GRIK2: variants seen among roughly 807,000 people sequenced by gnomAD.
The protein encoded by GRIK2 is glutamate ionotropic receptor kainate type subunit 2.
GRIK2 carries 32 observed loss-of-function variants against 100.3 expected under a neutral mutation model. That is an observed-to-expected ratio of 0.32 (90% CI 0.24 to 0.43). The LOEUF (loss-of-function observed/expected upper bound fraction) is 0.43. Ranked by LOEUF, GRIK2 falls within the 20% of genes least tolerant of loss-of-function variation. The pLI is 1.00. For missense variants in GRIK2, 843 were observed against 1,114.9 expected (o/e 0.76, Z 3.47); for synonymous variants, 417 against 389.4 (o/e 1.07, Z -0.83).
intron 14 of GRIK2, among the ~76,000 whole-genome samples, chr6:101,940,775 T>C (rs1437889326): frequency 6.6e-6 from 1 of 152,204 alleles, no homozygotes; most frequent in African/African-American, 2.4e-5. Context: ...ACTAGATTTT[T>C]ATTTTCTTAT....
In GRIK2 at chr6:101,744,541, T is replaced by TATATAC. The variant is rs1554257099; in HGVS notation, c.952-55102_952-55101insCATATA. ...GTGCGCGCATATATATATATATATATATATATATATATATATATCACAATT... is the reference window on the plus strand; with the variant it reads ...GTGCGCGCATATATATATATATATATATATACATATATATATATATATATCACAATT... On this transcript the variant is annotated intron_variant, in intron 7 of 16. Coordinates refer to ENST00000369134, the MANE Select transcript of GRIK2 (RefSeq NM_021956.5). The TATATAC allele has an allele frequency of 7.6e-4, 93 of 123,114 alleles. 4 individuals are homozygous for TATATAC. Among genetic ancestry groups the TATATAC allele is most frequent in the African/African-American group, 3.0e-3 (90 of 30,088 alleles). The allele number at this position is 123,114 out of a possible 1,614,324, so 7.6% of individuals were successfully genotyped here. A position where few individuals can be genotyped will look rare whatever the true frequency, so the allele number is the denominator to read the frequency against.
At chr6:101,428,241 C>T (rs1284295461) in intron 2 of GRIK2, among the ~76,000 whole-genome samples, 2 of 152,164 alleles carry the variant, frequency 1.3e-5, no homozygotes, top group Admixed American at 6.5e-5. Context: ...TTGTTGTCTA[C>T]TCTGTTTGCT....
intron 14 of GRIK2, among the ~76,000 whole-genome samples, chr6:101,991,889 T>C (rs1055168999): frequency 2.6e-5 from 4 of 151,530 alleles, no homozygotes; most frequent in Non-Finnish European, 3.0e-5. Flanking sequence ...AGTTATATCA[T>C]GTATGACAGA....
intron 7 of GRIK2, among the ~76,000 whole-genome samples, chr6:101,728,394 G>C (rs181186088): frequency 6.6e-6 from 1 of 152,164 alleles, no homozygotes; most frequent in Admixed American, 6.6e-5. Flanking sequence ...ATTTCCGTTT[G>C]ATACAAGAGA....
At chr6:101,489,815 T>G (rs751527900) in intron 2 of GRIK2, among the ~76,000 whole-genome samples, 12 of 146,624 alleles carry the variant, frequency 8.2e-5, no homozygotes, top group Non-Finnish European at 1.7e-4. Flanking sequence ...TTTTCTAAGG[T>G]TAGGCAAATA....
At chr6:101,666,431 G>A (rs938490134) in intron 4 of GRIK2, among the ~76,000 whole-genome samples, 4 of 152,156 alleles carry the variant, frequency 2.6e-5, no homozygotes, top group Non-Finnish European at 4.4e-5. Context: ...CCACTTGGCT[G>A]ACCTGTAGTC....
intron 2 of GRIK2, among the ~76,000 whole-genome samples, chr6:101,545,970 C>G (rs752064832): frequency 4.0e-5 from 6 of 151,650 alleles, no homozygotes; most frequent in Non-Finnish European, 8.8e-5. Flanking sequence ...TGAGCTGATC[C>G]CTCTAGCTTT....
At chr6:101,734,502 A>G (rs1775499409) in intron 7 of GRIK2, among the ~76,000 whole-genome samples, 1 of 152,222 alleles carries the variant, frequency 6.6e-6, no homozygotes, top group Admixed American at 6.5e-5. Context: ...TACTCAGTCC[A>G]CTAATTCAAG....
intron 2 of GRIK2, among the ~76,000 whole-genome samples, chr6:101,576,686 C>T (rs930676309): frequency 2.6e-5 from 4 of 152,122 alleles, no homozygotes; most frequent in African/African-American, 4.8e-5. Context: ...CTACCAGAAT[C>T]AAACATATTT....
chr6:102,055,312 T>C lies in GRIK2; in HGVS notation c.2312-18T>C. On this transcript the variant is annotated intron_variant, in intron 15 of 16. Coordinates refer to ENST00000369134, the MANE Select transcript of GRIK2 (RefSeq NM_021956.5). ...TTCAGGTTCCTTGAAATACTTAACA[T>C]AACCTCTCCTTTCTTAGGTTCTCCA... 1 of 1,591,610 alleles carries C rather than the reference T, an allele frequency of 6.3e-7. No homozygotes were observed. The highest frequency in any genetic ancestry group is 8.6e-7 in the Non-Finnish European group (1 of 1,162,182).
At position 101,790,441 on chromosome 6, in the gene GRIK2, T is replaced by C. The variant is rs763612050; in HGVS notation, c.952-9207T>C. Among the ~76,000 whole-genome samples, 447 of 151,904 alleles carry C rather than the reference T, an allele frequency of 2.9e-3. 2 individuals are homozygous for C. The highest frequency in any genetic ancestry group is 3.6e-3 in the Non-Finnish European group (243 of 67,958). The stretch of plus-strand genomic sequence containing the variant: ...AGGGTTGTTGAATTTTGTCAAAGGC[T>C]TTTTCTGCATCTATTGAGATAATCA... On this transcript the variant is annotated intron_variant, in intron 7 of 16. Coordinates refer to ENST00000369134, the MANE Select transcript of GRIK2 (RefSeq NM_021956.5).
At chr6:101,549,216 G>T (rs1223569430) in intron 2 of GRIK2, among the ~76,000 whole-genome samples, 1 of 150,124 alleles carries the variant, frequency 6.7e-6, no homozygotes, top group East Asian at 2.0e-4. Context: ...TTTCTGTGTG[G>T]GATATCACAT....
At chr6:101,720,255 C>A (rs1411462947) in intron 7 of GRIK2, among the ~76,000 whole-genome samples, 2 of 151,908 alleles carry the variant, frequency 1.3e-5, no homozygotes, top group African/African-American at 4.8e-5. Flanking sequence ...ATGTGTTTGT[C>A]CGTTCAAACT....
intron 15 of GRIK2, among the ~76,000 whole-genome samples, chr6:102,036,637 T>A (rs1770289435): frequency 6.6e-6 from 1 of 151,186 alleles, no homozygotes; most frequent in Non-Finnish European, 1.5e-5. Flanking sequence ...TAGATATTAT[T>A]TTTTGGTATT....
chr6:101,978,237 G>A (rs926518360), intron 14 of GRIK2, among the ~76,000 whole-genome samples: 2 of 151,918 alleles, frequency 1.3e-5, no homozygotes, highest in African/African-American at 4.8e-5. Context: ...CAAGATTAAA[G>A]GCAGGGGAGT....
chr6:101,810,913 T>C (rs1444068794), intron 9 of GRIK2, among the ~76,000 whole-genome samples: 1 of 152,048 alleles, frequency 6.6e-6, no homozygotes, highest in Admixed American at 6.6e-5. Context: ...TCAGAAATAA[T>C]AGGTATATGA....
chr6:101,894,967 T>G (rs1455031131), intron 12 of GRIK2, among the ~76,000 whole-genome samples: 1 of 151,810 alleles, frequency 6.6e-6, no homozygotes, highest in African/African-American at 2.4e-5. Context: ...AATTATTCAC[T>G]AAGTCTTTAA....
intron 2 of GRIK2, among the ~76,000 whole-genome samples, chr6:101,434,510 A>G (rs1445498141): frequency 2.0e-5 from 3 of 152,184 alleles, no homozygotes; most frequent in South Asian, 2.1e-4. Flanking sequence ...TGTTAGAAGA[A>G]GAAGAAAAAT....
intron 14 of GRIK2, among the ~76,000 whole-genome samples, chr6:101,943,525 G>A (rs1392369605): frequency 6.6e-6 from 1 of 152,174 alleles, no homozygotes; most frequent in African/African-American, 2.4e-5. Context: ...TGCAGAGGCT[G>A]TACCCTAAAG....
Sources: allele counts gnomAD v4.1 joint callset (sites outside exome capture counted in the v4.1 genomes callset), GRCh38; gene constraint gnomAD v4.1.1; transcripts MANE v1.5; gene names NCBI Gene and HGNC (gene_info 2026-07-23, HGNC 2026-07-21).